Variants in ACSF3 observed in about 807,000 individuals in gnomAD.
ACSF3 encodes the protein malonate--CoA ligase ACSF3, mitochondrial.
ACSF3 carries 78 observed loss-of-function variants against 53.2 expected under a neutral mutation model. The ratio of observed to expected loss-of-function variants is 1.47; its 90% confidence interval spans 1.22 to 1.77. ACSF3 has a LOEUF of 1.77. Ranked by LOEUF, ACSF3 falls within the 40% of genes most tolerant of loss-of-function variation. ACSF3 has a pLI of 0.00. For synonymous variants in ACSF3, 414 were observed against 333.1 expected, an observed-to-expected ratio of 1.24 and a Z score of -2.65; for missense variants, 937 against 771.1, an observed-to-expected ratio of 1.22 and a Z score of -2.55.
At chr16:89,138,033 C>G (rs1000916249) in intron 8 of ACSF3, among the ~76,000 whole-genome samples, 16 of 152,224 alleles carry the variant, frequency 1.1e-4, no homozygotes, top group Non-Finnish European at 4.4e-5. Flanking sequence ...GACCTTGTGA[C>G]TTAGTTGGGA....
intron 8 of ACSF3, chr16:89,145,066 G>T (rs941433365): frequency 1.4e-6 from 2 of 1,428,130 alleles, no homozygotes; most frequent in African/African-American, 2.8e-5. Context: ...ACCTTGGGAC[G>T]CACGTCGTGA....
At chr16:89,103,431 C>T (rs1975607034) in intron 4 of ACSF3, among the ~76,000 whole-genome samples, 1 of 152,252 alleles carries the variant, frequency 6.6e-6, no homozygotes, top group South Asian at 2.1e-4. Flanking sequence ...CGCCTGTGCC[C>T]TTGGCTCCAG....
At position 89,107,072 on chromosome 16, in the gene ACSF3, T is replaced by C. The variant is rs370001242; in HGVS notation, c.822+4313T>C. The stretch of plus-strand genomic sequence containing the variant: ...CTGCCATCTGGCAGGGTCTGTGCTG[T>C]GGCAGCTCAGGTTAGAGCAACAGGC... On this transcript the variant is annotated intron_variant, in intron 4 of 10. Transcript: ENST00000614302. 1.0e-3 allele frequency among the ~76,000 whole-genome samples: 157 copies of C among 152,360 alleles called. 2 individuals carry two copies. In the South Asian group the frequency reaches 0.021, roughly 20 times the overall value.
At chr16:89,137,008 C>G (rs549409834) in intron 8 of ACSF3, among the ~76,000 whole-genome samples, 1 of 152,240 alleles carries the variant, frequency 6.6e-6, no homozygotes, top group Admixed American at 6.5e-5. Flanking sequence ...CAGAGACACA[C>G]GCGCACATTT....
intron 8 of ACSF3, among the ~76,000 whole-genome samples, chr16:89,137,508 T>C (rs12929352): frequency 7.1e-4 from 75 of 105,134 alleles, no homozygotes; most frequent in Non-Finnish European, 6.5e-4. Context: ...GCCCCAGGTC[T>C]CGGGAGGACC....
chr16:89,113,168 T>C (rs1312329769), intron 5 of ACSF3: 1 of 152,188 alleles, frequency 6.6e-6, no homozygotes, highest in Non-Finnish European at 1.5e-5. Flanking sequence ...GGGTATTTTT[T>C]CTTTTTGTGA....
intron 10 of ACSF3, chr16:89,153,838 G>T: frequency 1.8e-6 from 1 of 550,034 alleles, no homozygotes; most frequent in Non-Finnish European, 3.3e-6. Context: ...CTCGCCCAAG[G>T]CCTGCACGCA....
At chr16:89,151,322 G>A (rs1914051847) in intron 10 of ACSF3, 1 of 413,138 alleles carries the variant, frequency 2.4e-6, no homozygotes, top group Admixed American at 2.9e-5. Context: ...AACATTGAAG[G>A]CAAAAAATAA....
In ACSF3 at chr16:89,104,093, C is replaced by A. The variant is rs181642861; in HGVS notation, c.822+1334C>A. Reference sequence around the variant, plus strand: ...GAGTCACTCACCAGGCTGCAGAGGGCATGAGGGGCAGGCCTTGAGCCCACA... The same window carrying A: ...GAGTCACTCACCAGGCTGCAGAGGGAATGAGGGGCAGGCCTTGAGCCCACA... On this transcript the variant is annotated intron_variant, in intron 4 of 10. Transcript: ENST00000614302. Among the ~76,000 whole-genome samples, 30 of 152,244 alleles carry A rather than the reference C, an allele frequency of 2.0e-4. No homozygotes were observed. In the East Asian group the frequency reaches 5.0e-3, roughly 25 times the overall value.
At chr16:89,136,599 G>A in intron 8 of ACSF3, 1 of 1,286,338 alleles carries the variant, frequency 7.8e-7, no homozygotes, top group Non-Finnish European at 1.0e-6. Context: ...ACAGGGGACA[G>A]CCAGGGATGG....
chr16:89,150,667 C>T (rs150964928), intron 10 of ACSF3: 82 of 268,976 alleles, frequency 3.0e-4, no homozygotes, highest in African/African-American at 1.1e-3. Context: ...GAGGAGAAGC[C>T]GCCTGTGAGG....
intron 4 of ACSF3, 62 bp downstream of exon 4, chr16:89,102,821 C>G: frequency 6.3e-7 from 1 of 1,589,466 alleles, no homozygotes; most frequent in Non-Finnish European, 8.6e-7. Context: ...CCTGTCGGGG[C>G]CAGGGCTCTC....
intron 10 of ACSF3, 122 bp downstream of exon 10, chr16:89,146,171 G>T: frequency 1.4e-6 from 1 of 715,516 alleles, no homozygotes; most frequent in Non-Finnish European, 2.3e-6. Context: ...AGAAAGACCA[G>T]CAGTGAGGGT....
At chr16:89,142,688 C>G (rs768694804) in intron 8 of ACSF3, among the ~76,000 whole-genome samples, 1 of 151,428 alleles carries the variant, frequency 6.6e-6, no homozygotes, top group Non-Finnish European at 1.5e-5. Context: ...GACACCCTCA[C>G]CTGCAGAGAT....
chr16:89,143,347 C>T (rs1436617717), intron 8 of ACSF3, among the ~76,000 whole-genome samples: 3 of 152,152 alleles, frequency 2.0e-5, no homozygotes, highest in Non-Finnish European at 4.4e-5. Flanking sequence ...GCAGTGATGG[C>T]CTCTCCGGCA....
chr16:89,100,965 A>C lies in ACSF3; in HGVS notation c.284A>C (p.Glu95Ala). Reference sequence around the variant, plus strand: ...GGGTGTGTCGGCGGGGACCTCCGGGAGGAGAGGGTCTCCTTCCTATGCGCT... The same window carrying C: ...GGGTGTGTCGGCGGGGACCTCCGGGCGGAGAGGGTCTCCTTCCTATGCGCT... ...LCGCVGGDLR[E>A]ERVSFLCAND... is the part of the protein sequence containing the mutation. The change falls in exon 3 of 11, where the codon GAG becomes GCG. Residue 95 changes from glutamate (E) to alanine (A), a missense_variant. Transcript: ENST00000614302. 1 of 1,613,470 alleles carries C rather than the reference A, an allele frequency of 6.2e-7. No individual in the cohort carries two copies. Among genetic ancestry groups the C allele is most frequent in the East Asian group, 2.2e-5 (1 of 44,870 alleles).
chr16:89,096,099 C>G (rs560096807), intron 1 of ACSF3, among the ~76,000 whole-genome samples: 17 of 152,218 alleles, frequency 1.1e-4, no homozygotes, highest in African/African-American at 3.9e-4. Flanking sequence ...TTCAGTGGTT[C>G]CAGTACGCCT....
chr16:89,103,422 G>A (rs138661392), intron 4 of ACSF3, among the ~76,000 whole-genome samples: 276 of 152,358 alleles, frequency 1.8e-3, no homozygotes, highest in African/African-American at 1.3e-3. Flanking sequence ...TCTGGAGGCC[G>A]CCTGTGCCCT....
At chr16:89,114,613 G>A in intron 6 of ACSF3, 126 bp downstream of exon 6, 4 of 1,406,622 alleles carry the variant, frequency 2.8e-6, no homozygotes, top group Admixed American at 1.9e-5. Context: ...CGTGGGACAG[G>A]CCACTCGGCC....
Sources: allele counts gnomAD v4.1 joint callset (sites outside exome capture counted in the v4.1 genomes callset), GRCh38; gene constraint gnomAD v4.1.1; transcripts MANE v1.5; gene names NCBI Gene and HGNC (gene_info 2026-07-23, HGNC 2026-07-21).